The following EXT1 variants were observed in gnomAD, a reference collection of about 807,000 sequenced individuals.
EXT1 encodes exostosin glycosyltransferase 1.
A neutral mutation model predicts 82.5 loss-of-function variants in EXT1; 20 were observed. That is an observed-to-expected ratio of 0.24 (90% confidence interval 0.17 to 0.35). EXT1 has a LOEUF of 0.35. EXT1 is among the 10% of genes least tolerant of loss of function. The probability of loss-of-function intolerance (pLI) is 1.00; values close to 1 mark genes in which losing one functional copy is unlikely to be tolerated. For synonymous variants in EXT1, 348 were observed against 350.8 expected (o/e 0.99, Z 0.09); for missense variants, 757 against 936.5 (o/e 0.81, Z 2.50).
At chr8:118,081,913 A>C (rs1365818350) in intron 1 of EXT1, among the ~76,000 whole-genome samples, 1 of 152,224 alleles carries the variant, frequency 6.6e-6, no homozygotes, top group African/African-American at 2.4e-5. Flanking sequence ...AACCGAGAGC[A>C]AAACAAAAAA....
intron 1 of EXT1, among the ~76,000 whole-genome samples, chr8:118,028,309 A>G (rs1013649735): frequency 6.6e-6 from 1 of 152,244 alleles, no homozygotes; most frequent in Admixed American, 6.5e-5. Context: ...AATTCTTTCC[A>G]AAACATATTT....
intron 1 of EXT1, among the ~76,000 whole-genome samples, chr8:117,908,618 A>C (rs1813585397): frequency 6.6e-6 from 1 of 152,092 alleles, no homozygotes; most frequent in African/African-American, 2.4e-5. Context: ...CAACAGAGCG[A>C]GACACCATCT....
At chr8:117,860,624 G>T (rs1188497680) in intron 1 of EXT1, among the ~76,000 whole-genome samples, 1 of 152,146 alleles carries the variant, frequency 6.6e-6, no homozygotes, top group Non-Finnish European at 1.5e-5. Flanking sequence ...TATCCTTCTG[G>T]CAGATATATT....
intron 1 of EXT1, among the ~76,000 whole-genome samples, chr8:118,077,345 C>T (rs1476306109): frequency 6.6e-6 from 1 of 152,250 alleles, no homozygotes; most frequent in East Asian, 1.9e-4. Flanking sequence ...CAAATTCCCA[C>T]CAAAGGAGGA....
chr8:117,863,411 G>GTTTTT (rs10624775), intron 1 of EXT1, among the ~76,000 whole-genome samples: 9 of 132,346 alleles, frequency 6.8e-5, no homozygotes, highest in Admixed American at 1.6e-4. Context: ...CTAAGTCTAG[G>GTTTTT]TTTTTTTTTT....
At chr8:117,830,948 G>A (rs1158904798) in intron 3 of EXT1, among the ~76,000 whole-genome samples, 1 of 152,020 alleles carries the variant, frequency 6.6e-6, no homozygotes, top group Non-Finnish European at 1.5e-5. Flanking sequence ...TCTCTCAATT[G>A]TTCATATATG....
At position 117,805,767 on chromosome 8, in the gene EXT1, G is replaced by A. The variant is rs192300643; in HGVS notation, c.1884-874C>T. Reference sequence around the variant, plus strand: ...GTGTTCACTAATGATAGAAGAGCAGGTATTTTGTTACTGGTTGAGTGGGGA... The same window carrying A: ...GTGTTCACTAATGATAGAAGAGCAGATATTTTGTTACTGGTTGAGTGGGGA... On this transcript the variant is annotated intron_variant, in intron 9 of 10. Transcript: ENST00000378204. Among the ~76,000 whole-genome samples the A allele has an allele frequency of 7.9e-5, 12 of 152,258 alleles. No individual in the cohort carries two copies. In the East Asian group the frequency reaches 2.1e-3, roughly 27 times the overall value.
At chr8:118,065,411 C>G (rs556811339) in intron 1 of EXT1, among the ~76,000 whole-genome samples, 3 of 152,234 alleles carry the variant, frequency 2.0e-5, no homozygotes, top group Non-Finnish European at 2.9e-5. Context: ...AGGTGAGGAA[C>G]TAAACTGTGG....
chr8:118,099,968 G>C (rs1455790328), intron 1 of EXT1, among the ~76,000 whole-genome samples: 2 of 152,166 alleles, frequency 1.3e-5, no homozygotes, highest in Non-Finnish European at 2.9e-5. Flanking sequence ...ACAAGAGGAT[G>C]ACCACCAAGT....
At chr8:117,874,578 A>AAAAAAAAAAAAAAAAAAAC in intron 1 of EXT1, among the ~76,000 whole-genome samples, 1 of 148,406 alleles carries the variant, frequency 6.7e-6, no homozygotes, top group African/African-American at 2.5e-5. Context: ...TCTGCCTCAA[A>AAAAAAAAAAAAAAAAAAAC]AAAAAAAAAA....
At chr8:117,835,404 T>G in intron 3 of EXT1, 40 bp downstream of exon 3, 1 of 1,456,752 alleles carries the variant, frequency 6.9e-7, no homozygotes, top group East Asian at 2.3e-5. Flanking sequence ...GGGGCAGCAA[T>G]AATCTGCTGA....
intron 1 of EXT1, among the ~76,000 whole-genome samples, chr8:117,994,932 A>G (rs1034993907): frequency 3.3e-5 from 5 of 152,222 alleles, no homozygotes; most frequent in African/African-American, 1.2e-4. Flanking sequence ...TTAATTTGCA[A>G]CTGAGTAAAT....
chr8:117,974,413 C>A (rs1815025330), intron 1 of EXT1, among the ~76,000 whole-genome samples: 1 of 152,186 alleles, frequency 6.6e-6, no homozygotes, highest in South Asian at 2.1e-4. Context: ...CATGGCTTCA[C>A]AAAGCTGCTT....
rs776678803 is a variant in EXT1 at position 118,110,457 on chromosome 8, G to C, written c.590C>G (p.Ser197Cys). 8 of 1,613,982 alleles carry C rather than the reference G, an allele frequency of 5.0e-6. No homozygotes were observed. Among genetic ancestry groups the C allele is most frequent in the African/African-American group, 1.3e-5 (1 of 74,910 alleles). Residue 197 changes from serine to cysteine, a missense_variant, in exon 1 of 11, where the codon TCC becomes TGC. Physicochemically the swap from Ser to Cys is moderately radical, Grantham distance 112 (BLOSUM62 -1). Around this residue, in one of 4 missense-constraint regions of EXT1, gnomAD observed 247 missense variants for 330.1 expected, o/e 0.75. Coordinates refer to ENST00000378204, the MANE Select transcript of EXT1 (RefSeq NM_000127.3). ...GRNHLIFNLY[S>C]GTWPDYTEDV... The stretch of plus-strand genomic sequence containing the variant: ...CTCGGTGTAGTCAGGCCAAGTGCCG[G>C]AATATAAATTAAAAATTAAATGATT...
Position 117,980,701 on chromosome 8 carries a change from T to G in EXT1, c.962+129384A>C, listed in dbSNP as rs796539503. Among the ~76,000 whole-genome samples, 141 of 19,868 alleles carry G rather than the reference T, an allele frequency of 7.1e-3. 10 individuals carry two copies. Among genetic ancestry groups the G allele is most frequent in the African/African-American group, 0.036 (42 of 1,156 alleles). 13.0% of individuals were successfully genotyped at this position (19,868 alleles called of 152,430 possible). A position where few individuals can be genotyped will look rare whatever the true frequency, so the allele number is the denominator to read the frequency against. ...TTTGTTTGTTCGGGTGTTGGTGGTT[T>G]TTTTTTTTTTTTTTTTTTTTTTTTT... On this transcript the variant is annotated intron_variant, in intron 1 of 10. Transcript: ENST00000378204.
chr8:117,944,563 A>G (rs1292596873), intron 1 of EXT1, among the ~76,000 whole-genome samples: 1 of 152,208 alleles, frequency 6.6e-6, no homozygotes, highest in Non-Finnish European at 1.5e-5. Context: ...TTATTAGATA[A>G]CAGGTTTGCC....
At chr8:117,856,421 AATTT>A (rs1231596401) in intron 1 of EXT1, among the ~76,000 whole-genome samples, 5 of 120,000 alleles carry the variant, frequency 4.2e-5, no homozygotes, top group Admixed American at 8.2e-5. Context: ...CGCCTGGCTA[AATTT>A]TTTTTTTTTT....
At chr8:117,978,882 T>C (rs1317324028) in intron 1 of EXT1, among the ~76,000 whole-genome samples, 1 of 152,162 alleles carries the variant, frequency 6.6e-6, no homozygotes. Context: ...CCTCTGACCT[T>C]GTAATGGAGG....
chr8:118,033,917 A>G (rs1291786633), intron 1 of EXT1, among the ~76,000 whole-genome samples: 2 of 152,228 alleles, frequency 1.3e-5, no homozygotes, highest in Non-Finnish European at 2.9e-5. Flanking sequence ...ATTAACCATC[A>G]CTATATAATT....
Sources: allele counts gnomAD v4.1 joint callset (sites outside exome capture counted in the v4.1 genomes callset), GRCh38; gene constraint gnomAD v4.1.1; regional missense constraint gnomAD v4.1.1; transcripts MANE v1.5; gene names NCBI Gene and HGNC (gene_info 2026-07-23, HGNC 2026-07-21).